GREB1: variants seen among roughly 807,000 people sequenced by gnomAD.
The protein encoded by GREB1 is protein GREB1.
Under a neutral mutation model 200.7 loss-of-function variants are expected in GREB1, and 106 were observed. That is an observed-to-expected ratio of 0.53 (90% CI 0.45 to 0.62). GREB1 has a LOEUF of 0.62. Ranked by LOEUF, GREB1 falls within the 20% of genes least tolerant of loss-of-function variation. The pLI, the probability that GREB1 is intolerant of heterozygous loss-of-function variation, is 0.00. For missense variants in GREB1, 2,243 were observed against 2,556.8 expected, an observed-to-expected ratio of 0.88 and a Z score of 2.65; for synonymous variants, 1,132 against 1,092.4, an observed-to-expected ratio of 1.04 and a Z score of -0.72.
intron 4 of GREB1, among the ~76,000 whole-genome samples, chr2:11,570,269 C>T (rs1017098969): frequency 6.6e-6 from 1 of 151,630 alleles, no homozygotes; most frequent in African/African-American, 2.4e-5. Context: ...ATTAGCTGGC[C>T]GTGGTGGCAC....
intron 1 of GREB1, among the ~76,000 whole-genome samples, chr2:11,517,855 G>A (rs1375928747): frequency 5.3e-5 from 8 of 152,028 alleles, no homozygotes; most frequent in Non-Finnish European, 1.2e-4. Context: ...GGGTTTCACC[G>A]TGTTAGCCAG....
At chr2:11,602,642 T>A in intron 17 of GREB1, 100 bp downstream of exon 17, 1 of 995,576 alleles carries the variant, frequency 1.0e-6, no homozygotes, top group East Asian at 2.4e-5. Flanking sequence ...GGGAGGCCTT[T>A]CCTTCCTGAG....
chr2:11,572,042 A>G (rs1291381582), intron 4 of GREB1, among the ~76,000 whole-genome samples: 1 of 152,218 alleles, frequency 6.6e-6, no homozygotes, highest in Non-Finnish European at 1.5e-5. Flanking sequence ...TGTCTTGCCC[A>G]GAGCATGTGG....
chr2:11,587,688 C>A, intron 9 of GREB1: 22 of 1,185,806 alleles, frequency 1.9e-5, no homozygotes, highest in East Asian at 1.2e-4. Flanking sequence ...ACCTGGAGTA[C>A]AAGATAACAC....
At chr2:11,636,686 C>T (rs1428935293) in intron 30 of GREB1, among the ~76,000 whole-genome samples, 1 of 151,816 alleles carries the variant, frequency 6.6e-6, no homozygotes, top group Non-Finnish European at 1.5e-5. Context: ...TAAAGGAGAC[C>T]TGGAGGAAGA....
At chr2:11,622,608 C>T (rs1466524996) in intron 23 of GREB1, among the ~76,000 whole-genome samples, 1 of 152,106 alleles carries the variant, frequency 6.6e-6, no homozygotes, top group Non-Finnish European at 1.5e-5. Flanking sequence ...GTTTGGGCTA[C>T]GAATGTTGTT....
intron 17 of GREB1, among the ~76,000 whole-genome samples, chr2:11,605,219 G>A (rs549031279): frequency 2.4e-5 from 3 of 126,096 alleles, no homozygotes; most frequent in South Asian, 2.7e-4. Context: ...CCAGTAGACC[G>A]TATATCTTTT....
intron 1 of GREB1, among the ~76,000 whole-genome samples, chr2:11,486,607 C>T (rs1267709390): frequency 2.0e-5 from 3 of 151,932 alleles, no homozygotes; most frequent in African/African-American, 7.3e-5. Context: ...AGTCCCAACG[C>T]CTATAATCCC....
chr2:11,562,370 G>A, intron 2 of GREB1, 93 bp from the exon 3 acceptor site: 1 of 1,536,944 alleles, frequency 6.5e-7, no homozygotes, highest in African/African-American at 1.4e-5. Context: ...TGGGCTTGTT[G>A]AGCCTGAGAA....
chr2:11,623,103 G>A (rs10195686), intron 23 of GREB1, among the ~76,000 whole-genome samples: 35 of 152,248 alleles, frequency 2.3e-4, no homozygotes, highest in Admixed American at 6.5e-4. Context: ...TTTGGTCAAC[G>A]GACTGCATCT....
chr2:11,557,895 C>G (rs1246694936), intron 2 of GREB1, among the ~76,000 whole-genome samples: 1 of 151,998 alleles, frequency 6.6e-6, no homozygotes, highest in Non-Finnish European at 1.5e-5. Context: ...TTATGGGGAG[C>G]CGAGAAATGG....
At chr2:11,558,941 T>C (rs2147889011) in intron 2 of GREB1, among the ~76,000 whole-genome samples, 1 of 152,320 alleles carries the variant, frequency 6.6e-6, no homozygotes, top group East Asian at 1.9e-4. Context: ...CCACCTCCTT[T>C]AGGGGAAAAA....
At chr2:11,485,651 T>C (rs1372406152) in intron 1 of GREB1, among the ~76,000 whole-genome samples, 6 of 152,224 alleles carry the variant, frequency 3.9e-5, no homozygotes, top group Non-Finnish European at 4.4e-5. Context: ...ACAGCCTTTC[T>C]GAAAGGTTTC....
In GREB1 at chr2:11,576,380, G is replaced by A; in HGVS notation, c.482G>A (p.Gly161Glu). ...LGFSGNCVGCGKKGFCYFTEF... is the reference protein window; with the variant it reads ...LGFSGNCVGCEKKGFCYFTEF... Reference sequence around the variant, plus strand: ...TTCTCTGGGAATTGTGTTGGCTGTGGAAAGAAAGGCTTCTGTTACTTCACG... The same window carrying A: ...TTCTCTGGGAATTGTGTTGGCTGTGAAAAGAAAGGCTTCTGTTACTTCACG... Residue 161 changes from glycine (G) to glutamate (E), a missense_variant, in exon 5 of 33, where the codon GGA (glycine) becomes GAA (glutamate). By Grantham distance (98) the Gly-to-Glu change is moderately conservative (BLOSUM62 -2). This residue lies in a region of GREB1 where 1,178 missense variants were observed against 1,387.4 expected (regional missense o/e 0.85). Transcript: ENST00000381486. 1 of 1,613,794 alleles carries A rather than the reference G, an allele frequency of 6.2e-7. No homozygotes were observed. The highest frequency in any genetic ancestry group is 1.1e-5 in the South Asian group (1 of 90,960).
At chr2:11,637,238 C>G (rs2148454010) in intron 30 of GREB1, among the ~76,000 whole-genome samples, 1 of 152,212 alleles carries the variant, frequency 6.6e-6, no homozygotes, top group South Asian at 2.1e-4. Flanking sequence ...AGACTTTTCT[C>G]TAGGACTCAC....
rs577659130 is a variant in GREB1, at chr2:11,617,669, C to T, written c.3413-619C>T. On this transcript the variant is annotated intron_variant, in intron 21 of 32. Coordinates refer to ENST00000381486, the MANE Select transcript of GREB1 (RefSeq NM_014668.4). ...AGGGCCGAGAGGCTCAGGGGCGAGA[C>T]GTGCAGGGCCTGGGTGCGGGGACGG... Among the ~76,000 whole-genome samples, 6 of 152,270 alleles carry T rather than the reference C, an allele frequency of 3.9e-5. No homozygotes were observed. The South Asian group carries it at 6.2e-4, about 16-fold the overall frequency.
At chr2:11,576,286 G>A in intron 4 of GREB1, 67 bp from the exon 5 acceptor site, 1 of 1,318,554 alleles carries the variant, frequency 7.6e-7, no homozygotes. Context: ...CAGCCTAGAT[G>A]ACAAGAACGA....
At chr2:11,627,154 C>T (rs1207070186) in intron 25 of GREB1, 50 bp downstream of exon 25, 3 of 1,497,992 alleles carry the variant, frequency 2.0e-6, no homozygotes, top group Non-Finnish European at 2.7e-6. Context: ...CTCACATTGT[C>T]CGTTCCCCTG....
intron 4 of GREB1, among the ~76,000 whole-genome samples, chr2:11,571,900 A>G (rs13417524): frequency 0.047 from 7,177 of 152,078 alleles, 512 homozygotes; most frequent in African/African-American, 0.16. Flanking sequence ...TTTAGTAGAG[A>G]CAGGGTTTCA....
Sources: gnomAD v4.1 joint callset for allele counts (sites outside exome capture counted in the v4.1 genomes callset) on GRCh38, gnomAD v4.1.1 for gene constraint, gnomAD v4.1.1 regional missense constraint, MANE v1.5 for transcripts, NCBI Gene and HGNC (gene_info 2026-07-23, HGNC 2026-07-21) for gene names.